Variants in SFI1 observed in about 807,000 individuals in gnomAD.
The protein encoded by SFI1 is SFI1 centrin binding protein, also known as protein SFI1 homolog.
A neutral mutation model predicts 207.5 loss-of-function variants in SFI1; 195 were observed. The observed-to-expected ratio is 0.94, with a 90% confidence interval of 0.84 to 1.06. The LOEUF is 1.06. Among genes scored for constraint, SFI1 ranks in the 50% least tolerant of loss-of-function variants. SFI1 has a pLI of 0.00. For synonymous variants in SFI1, 630 were observed against 598.9 expected, an observed-to-expected ratio of 1.05 and a Z score of -0.76; for missense variants, 1,634 against 1,588.0, an observed-to-expected ratio of 1.03 and a Z score of -0.49.
At chr22:31,547,362 G>C (rs955809576) in intron 5 of SFI1, among the ~76,000 whole-genome samples, 3 of 152,220 alleles carry the variant, frequency 2.0e-5, no homozygotes, top group African/African-American at 7.2e-5. Context: ...CCAAGCTGGA[G>C]TGCAGTGGCA....
chr22:31,508,484 G>T, intron 2 of SFI1, 108 bp downstream of exon 2: 1 of 739,136 alleles, frequency 1.4e-6, no homozygotes, highest in Non-Finnish European at 2.2e-6. Context: ...TAGTAACTGT[G>T]GGTAAGTTTT....
chr22:31,604,464 T>C, intron 19 of SFI1, 60 bp downstream of exon 19: 2 of 1,346,796 alleles, frequency 1.5e-6, no homozygotes, highest in Admixed American at 2.8e-5. Context: ...TTCTGGAGAC[T>C]TTGTTTTCCT....
chr22:31,585,154 A>G lies in SFI1; in HGVS notation c.1413+20A>G. On this transcript the variant is annotated intron_variant, in intron 14 of 32. Coordinates refer to ENST00000400288, the MANE Select transcript of SFI1 (RefSeq NM_001007467.3). ...AAGCAGGTATGGAGTACTTTTTAGC[A>G]GATAGCTCTACTGGCTTACATTCTT... 1 of 1,603,458 alleles carries G rather than the reference A, an allele frequency of 6.2e-7. No individual in the cohort carries two copies. Among genetic ancestry groups the G allele is most frequent in the Non-Finnish European group, 8.5e-7 (1 of 1,170,940 alleles).
chr22:31,574,795 G>A (rs1396645344), intron 9 of SFI1, among the ~76,000 whole-genome samples: 3 of 152,070 alleles, frequency 2.0e-5, no homozygotes, highest in Admixed American at 6.6e-5. Context: ...GGTGGCTCAC[G>A]TCTGTAATCC....
chr22:31,521,041 C>A (rs1343423828), intron 2 of SFI1, among the ~76,000 whole-genome samples: 2 of 149,828 alleles, frequency 1.3e-5, no homozygotes, highest in African/African-American at 4.9e-5. Context: ...AGTTCAAGAC[C>A]AGCCTGGGCA....
chr22:31,550,837 G>T (rs942638002), intron 6 of SFI1, among the ~76,000 whole-genome samples: 2 of 152,160 alleles, frequency 1.3e-5, no homozygotes, highest in African/African-American at 4.8e-5. Flanking sequence ...AAGGGAAAAA[G>T]ACCTAGAGTT....
chr22:31,551,448 C>A (rs893313460), intron 6 of SFI1, among the ~76,000 whole-genome samples: 4 of 152,186 alleles, frequency 2.6e-5, no homozygotes, highest in Admixed American at 1.3e-4. Flanking sequence ...AGCTCTTACC[C>A]AAGCCTCATG....
chr22:31,497,931 C>T (rs1036871625), intron 1 of SFI1, among the ~76,000 whole-genome samples: 10 of 152,204 alleles, frequency 6.6e-5, no homozygotes, highest in African/African-American at 2.4e-4. Context: ...TACATGTCTG[C>T]TAACACAGTA....
At chr22:31,554,343 C>T (rs1475369657) in intron 6 of SFI1, among the ~76,000 whole-genome samples, 1 of 151,766 alleles carries the variant, frequency 6.6e-6, no homozygotes, top group Non-Finnish European at 1.5e-5. Flanking sequence ...GAGTCTCGCT[C>T]TATTGCCCAG....
chr22:31,503,054 CAAAA>C (rs58386828), intron 1 of SFI1, among the ~76,000 whole-genome samples: 5 of 103,136 alleles, frequency 4.8e-5, no homozygotes, highest in Admixed American at 1.2e-4. Context: ...GACTCTGTCT[CAAAA>C]AAAAAAAAAA....
At chr22:31,504,349 G>C (rs927651408) in intron 1 of SFI1, among the ~76,000 whole-genome samples, 3 of 152,068 alleles carry the variant, frequency 2.0e-5, no homozygotes, top group African/African-American at 7.2e-5. Flanking sequence ...CTAGGACATC[G>C]GTTTGATGTA....
At chr22:31,614,281 C>A in intron 27 of SFI1, 1 of 319,710 alleles carries the variant, frequency 3.1e-6, no homozygotes, top group South Asian at 3.2e-5. Context: ...CTTGTGTGAG[C>A]TGGCACCTGT....
intron 4 of SFI1, among the ~76,000 whole-genome samples, chr22:31,543,045 A>G (rs149117933): frequency 0.05 from 7,374 of 146,490 alleles, 582 homozygotes; most frequent in African/African-American, 0.17. Context: ...ATCTCGGCTC[A>G]CTGCAAGCTC....
chr22:31,511,762 C>G (rs1316229230), intron 2 of SFI1, among the ~76,000 whole-genome samples: 1 of 152,072 alleles, frequency 6.6e-6, no homozygotes, highest in Non-Finnish European at 1.5e-5. Flanking sequence ...CAGTGATTCT[C>G]CTGCCTTAAT....
Position 31,613,685 on chromosome 22 carries a change from G to T in SFI1, c.2826G>T (p.Gln942His). 1 of 1,611,368 alleles carries T rather than the reference G, an allele frequency of 6.2e-7. No individual in the cohort carries two copies. Among genetic ancestry groups the T allele is most frequent in the Non-Finnish European group, 8.5e-7 (1 of 1,178,762 alleles). The change falls in exon 27 of 33, where the codon CAG (glutamine) becomes CAT (histidine). Residue 942 changes from glutamine (Q) to histidine (H), a missense_variant. Transcript: ENST00000400288. ...QKVLGRGGKP[Q>H]PLAAIAPSRK... The stretch of plus-strand genomic sequence containing the variant: ...TGCTGGGCCGGGGCGGGAAGCCTCA[G>T]CCCCTGGCAGCCATCGCACCCAGCA...
At chr22:31,541,671 G>T (rs565672638) in intron 4 of SFI1, among the ~76,000 whole-genome samples, 1 of 150,144 alleles carries the variant, frequency 6.7e-6, no homozygotes, top group African/African-American at 2.4e-5. Flanking sequence ...TTGAACTCAG[G>T]AGGCAGAGGT....
At chr22:31,617,407 A>G (rs1242583460) in intron 31 of SFI1, among the ~76,000 whole-genome samples, 1 of 152,104 alleles carries the variant, frequency 6.6e-6, no homozygotes, top group Non-Finnish European at 1.5e-5. Context: ...CCAGTGACTA[A>G]TTATAACACT....
chr22:31,502,218 A>T (rs2053901487), intron 1 of SFI1, among the ~76,000 whole-genome samples: 1 of 152,156 alleles, frequency 6.6e-6, no homozygotes, highest in Non-Finnish European at 1.5e-5. Context: ...ATGTTACAGG[A>T]ACTTAAATCT....
At chr22:31,604,261 C>T (rs1166012050) in intron 18 of SFI1, 48 bp from the exon 19 acceptor site, 2 of 1,484,534 alleles carry the variant, frequency 1.3e-6, no homozygotes, top group Non-Finnish European at 1.8e-6. Flanking sequence ...GAAGCCACCC[C>T]CAACTCAGAC....
Sources: gnomAD v4.1 joint callset for allele counts (sites outside exome capture counted in the v4.1 genomes callset) on GRCh38, gnomAD v4.1.1 for gene constraint, MANE v1.5 for transcripts, NCBI Gene and HGNC (gene_info 2026-07-23, HGNC 2026-07-21) for gene names.